The following EFNA4 variants were observed in gnomAD, a reference collection of about 807,000 sequenced individuals.
EFNA4 encodes the protein ephrin A4.
Under a neutral mutation model 23.7 loss-of-function variants are expected in EFNA4, and 22 were observed. The ratio of observed to expected loss-of-function variants is 0.93; its 90% CI spans 0.66 to 1.32. EFNA4 has a LOEUF of 1.32. EFNA4 is among the 40% of genes most tolerant of loss of function. The probability of loss-of-function intolerance (pLI) is 0.00; values close to 1 mark genes in which losing one functional copy is unlikely to be tolerated. For synonymous variants in EFNA4, 113 were observed against 108.3 expected, an observed-to-expected ratio of 1.04 and a Z score of -0.27; for missense variants, 252 against 252.3, an observed-to-expected ratio of 1.00 and a Z score of 0.01.
intron 3 of EFNA4, among the ~76,000 whole-genome samples, chr1:155,068,247 G>A (rs1422878537): frequency 6.8e-6 from 1 of 145,990 alleles, no homozygotes; most frequent in African/African-American, 2.6e-5. Flanking sequence ...TGTCTTGTGT[G>A]GCCTCACTGC....
At chr1:155,064,667 G>A (rs1281611820) in intron 1 of EFNA4, among the ~76,000 whole-genome samples, 2 of 152,052 alleles carry the variant, frequency 1.3e-5, no homozygotes, top group African/African-American at 2.4e-5. Context: ...ATATTTTACT[G>A]TTTCCATCCC....
Position 155,063,797 on chromosome 1 carries a change from G to T in EFNA4, c.-27G>T. ...TGTGAAGCGGGCCGGGACCTGCCAG[G>T]CCAGACCAAACCGGACCTCGGGGGC... On this transcript the variant is annotated 5_prime_UTR_variant, in exon 1 of 4. Coordinates refer to ENST00000368409, the MANE Select transcript of EFNA4 (RefSeq NM_005227.3). The surrounding 1 kb of genome is among the most constrained non-coding windows in gnomAD (Gnocchi z 4.1). The T allele has an allele frequency of 6.6e-7, 1 of 1,507,174 alleles. No homozygotes were observed. Among genetic ancestry groups the T allele is most frequent in the Non-Finnish European group, 8.9e-7 (1 of 1,129,436 alleles). 93.4% of individuals were successfully genotyped at this position (1,507,174 alleles called of 1,614,324 possible).
At chr1:155,066,499 T>C (rs764293431) in intron 1 of EFNA4, among the ~76,000 whole-genome samples, 2 of 152,266 alleles carry the variant, frequency 1.3e-5, no homozygotes, top group African/African-American at 2.4e-5. Flanking sequence ...TTATGGGCAC[T>C]GCAGGTCTTA....
intron 2 of EFNA4, 30 bp from the exon 3 acceptor site, chr1:155,067,342 C>T (rs767527095): frequency 1.3e-5 from 21 of 1,613,482 alleles, no homozygotes; most frequent in Non-Finnish European, 1.8e-5. Context: ...ACTCCCTGTG[C>T]TAACTTTTTC....
chr1:155,065,704 A>C (rs899342077), intron 1 of EFNA4, among the ~76,000 whole-genome samples: 4 of 9,668 alleles, frequency 4.1e-4, no homozygotes, highest in South Asian at 5.4e-3. Flanking sequence ...CATGGCCTTT[A>C]TTTATTTATT....
chr1:155,066,324 C>T (rs375147588), intron 1 of EFNA4, among the ~76,000 whole-genome samples: 2 of 152,236 alleles, frequency 1.3e-5, no homozygotes, highest in East Asian at 1.9e-4. Flanking sequence ...ACTGTACCTC[C>T]TGCCTCTCTG....
chr1:155,064,004 C>T (rs1435403259), intron 1 of EFNA4, 68 bp downstream of exon 1: 2 of 1,358,924 alleles, frequency 1.5e-6, no homozygotes, highest in Non-Finnish European at 2.0e-6. Flanking sequence ...GCGCGCCCGC[C>T]ACCCGCTCTT....
chr1:155,067,042 A>G, intron 2 of EFNA4, 26 bp downstream of exon 2: 1 of 1,576,508 alleles, frequency 6.3e-7, no homozygotes, highest in Non-Finnish European at 8.6e-7. Flanking sequence ...CACACTGGAC[A>G]CCTCTTGTGT....
Position 155,067,326 on chromosome 1 carries a change from G to A in EFNA4, c.401-46G>A, listed in dbSNP as rs764965792. The A allele has an allele frequency of 1.4e-5, 22 of 1,606,060 alleles. No individual in the cohort carries two copies. The South Asian group carries it at 2.1e-4, about 15-fold the overall frequency. ...TCTGAAACAGTCTGAGGCATACAAA[G>A]GGGTGACTCCCTGTGCTAACTTTTT... On this transcript the variant is annotated intron_variant, in intron 2 of 3. Transcript: ENST00000368409.
Position 155,066,900 on chromosome 1 carries a change from A to G in EFNA4, c.284A>G (p.Lys95Arg), listed in dbSNP as rs1663061959. 1 of 1,614,046 alleles carries G rather than the reference A, an allele frequency of 6.2e-7. No homozygotes were observed. Among genetic ancestry groups the G allele is most frequent in the African/African-American group, 1.3e-5 (1 of 74,944 alleles). Residue 95 changes from lysine (K) to arginine (R), a missense_variant, in exon 2 of 4, where the codon AAG becomes AGG. Transcript: ENST00000368409. ...CAGGCAGAGGGCCCCCGGGCCTACA[A>G]GCGCTGGGTGTGCTCCCTGCCCTTT... is the stretch of plus-strand genomic sequence containing the variant. ...SCQAEGPRAY[K>R]RWVCSLPFGH...
At chr1:155,066,177 C>CT (rs1261073105) in intron 1 of EFNA4, among the ~76,000 whole-genome samples, 6 of 152,158 alleles carry the variant, frequency 3.9e-5, no homozygotes, top group South Asian at 4.1e-4. Flanking sequence ...CTCCCTCATT[C>CT]TTTTTTTACC....
Position 155,066,738 on chromosome 1 carries a change from G to T in EFNA4, c.122G>T (p.Arg41Leu), listed in dbSNP as rs762225853. 6.3e-7 allele frequency: 1 copy of T among 1,594,698 alleles called. No homozygotes were observed. The change falls in exon 2 of 4, where the codon CGA becomes CTA. Residue 41 changes from arginine to leucine, a missense_variant. Coordinates refer to ENST00000368409, the MANE Select transcript of EFNA4 (RefSeq NM_005227.3). ...YWNSSNPRLL[R>L]GDAVVELGLN... ...CTGCGTTATGCCTGCAGGTTGCTTC[G>T]AGGAGACGCCGTGGTGGAGCTGGGC... is the stretch of plus-strand genomic sequence containing the variant.
rs1663067981 is a variant in EFNA4, at chr1:155,067,011, A to G, written c.395A>G (p.Tyr132Cys). 1 of 1,605,208 alleles carries G rather than the reference A, an allele frequency of 6.2e-7. No homozygotes were observed. Among genetic ancestry groups the G allele is most frequent in the Non-Finnish European group, 8.5e-7 (1 of 1,174,996 alleles). Residue 132 changes from tyrosine to cysteine, a missense_variant, in exon 2 of 4, where the codon TAC (tyrosine) becomes TGC (cysteine). Coordinates refer to ENST00000368409, the MANE Select transcript of EFNA4 (RefSeq NM_005227.3). ...FEFLPGETYY[Y>C]ISVPTPESSG... ...TTCTTACCTGGAGAGACTTACTACTACATCTGTGAGTGGCCAAGGGCACAC... is the reference window on the plus strand; with the variant it reads ...TTCTTACCTGGAGAGACTTACTACTGCATCTGTGAGTGGCCAAGGGCACAC...
rs1663053569 is a variant in EFNA4, at chr1:155,066,715, G to A, written c.114-15G>A. 5.1e-6 allele frequency: 8 copies of A among 1,568,462 alleles called. No homozygotes were observed. The African/African-American group carries it at 6.8e-5, about 13-fold the overall frequency. On this transcript the variant is annotated splice_polypyrimidine_tract_variant and intron_variant, in intron 1 of 3. Transcript: ENST00000368409. ...GCCCTCCACTCCTCAGCCCACCCCTGCGTTATGCCTGCAGGTTGCTTCGAG... is the reference window on the plus strand; with the variant it reads ...GCCCTCCACTCCTCAGCCCACCCCTACGTTATGCCTGCAGGTTGCTTCGAG...
intron 3 of EFNA4, among the ~76,000 whole-genome samples, chr1:155,068,243 G>A (rs1663096949): frequency 6.8e-6 from 1 of 147,226 alleles, no homozygotes; most frequent in Admixed American, 6.9e-5. Flanking sequence ...ACCATGTCTT[G>A]TGTGGCCTCA....
chr1:155,067,454 G>C lies in EFNA4; in HGVS notation c.469+14G>C. On this transcript the variant is annotated intron_variant, in intron 3 of 3. Coordinates refer to ENST00000368409, the MANE Select transcript of EFNA4 (RefSeq NM_005227.3). The stretch of plus-strand genomic sequence containing the variant: ...GCAAGGAGAGGAGTAAGTGGGTTGG[G>C]AGCATGGACCCTACTGGCTAATGTG... 6.2e-7 allele frequency: 1 copy of C among 1,614,128 alleles called. No homozygotes were observed. The highest frequency in any genetic ancestry group is 1.1e-5 in the South Asian group (1 of 91,080).
rs750724541 is a variant in EFNA4 at position 155,068,912 on chromosome 1, G to C, written c.529G>C (p.Gly177Arg). The C allele has an allele frequency of 3.3e-5, 54 of 1,613,126 alleles. No individual in the cohort carries two copies. The highest frequency in any genetic ancestry group is 4.3e-5 in the Non-Finnish European group (51 of 1,179,676). ...PGESGTSGWR[G>R]GDTPSPLCLL... ...AGAGAGTGGCACATCAGGGTGGCGA[G>C]GGGGGGACACTCCCAGCCCCCTCTG... Residue 177 changes from glycine to arginine, a missense_variant, in exon 4 of 4, where the codon GGG (glycine) becomes CGG (arginine). Transcript: ENST00000368409.
chr1:155,068,770 A>G, intron 3 of EFNA4, 83 bp from the exon 4 acceptor site: 1 of 1,415,636 alleles, frequency 7.1e-7, no homozygotes, highest in Non-Finnish European at 9.5e-7. Context: ...AGGATGGGAA[A>G]GGAGGGAACT....
At position 155,063,939 on chromosome 1, in the gene EFNA4, A is replaced by T; in HGVS notation, c.113+3A>T. On this transcript the variant is annotated splice_donor_region_variant and intron_variant, in intron 1 of 3. Transcript: ENST00000368409. The surrounding 1 kb of genome is among the most constrained non-coding windows in gnomAD (Gnocchi z 4.1). ...TACTGGAACTCCAGTAACCCCAGGT[A>T]GCCGGGCCGAACCGGGCGAGCGCAC... is the stretch of plus-strand genomic sequence containing the variant. 6.5e-7 allele frequency: 1 copy of T among 1,548,770 alleles called. No homozygotes were observed. The highest frequency in any genetic ancestry group is 2.6e-5 in the East Asian group (1 of 39,032).
Sources: gnomAD v4.1 joint callset for allele counts (sites outside exome capture counted in the v4.1 genomes callset) on GRCh38, gnomAD v4.1.1 for gene constraint, Gnocchi (gnomAD v3.1) non-coding constraint, MANE v1.5 for transcripts, NCBI Gene and HGNC (gene_info 2026-07-23, HGNC 2026-07-21) for gene names.